TSHZ2: variants seen among roughly 807,000 people sequenced by gnomAD.
The protein encoded by TSHZ2 is teashirt homolog 2.
In TSHZ2, 21 loss-of-function variants were observed where a neutral mutation model predicts 74.4. The observed-to-expected ratio is 0.28, with a 90% CI of 0.20 to 0.41. The LOEUF is 0.41. TSHZ2 is among the 10% of genes least tolerant of loss of function. The pLI is 1.00. For synonymous variants in TSHZ2, 540 were observed against 515.3 expected, an observed-to-expected ratio of 1.05 and a Z score of -0.65; for missense variants, 1,244 against 1,293.5, an observed-to-expected ratio of 0.96 and a Z score of 0.59.
At chr20:53,405,248 C>CAAAAAAAAAAAAAAAAAAAA (rs796097312) in intron 2 of TSHZ2, among the ~76,000 whole-genome samples, 1 of 143,338 alleles carries the variant, frequency 7.0e-6, no homozygotes, top group African/African-American at 2.8e-5. Context: ...GACTCTGTCT[C>CAAAAAAAAAAAAAAAAAAAA]AAAAAAAAAA....
At chr20:53,169,147 T>C (rs6013642) in intron 1 of TSHZ2, among the ~76,000 whole-genome samples, 10,604 of 152,228 alleles carry the variant, frequency 0.07, 1,311 homozygotes, top group African/African-American at 0.24. Flanking sequence ...TATCTAGGAC[T>C]CACTGGTCTC....
rs148238495 is a variant in TSHZ2, at chr20:53,454,050, G to A, written c.*9-33094G>A. 4.2e-4 allele frequency among the ~76,000 whole-genome samples: 64 copies of A among 152,214 alleles called. 1 individual carries two copies. Among genetic ancestry groups the A allele is most frequent in the African/African-American group, 1.1e-3 (47 of 41,552 alleles). ...CACATGCACCAAAATGCTAAATTCTGCTTACAATGTCATCTCTTGTCTTTG... is the reference window on the plus strand; with the variant it reads ...CACATGCACCAAAATGCTAAATTCTACTTACAATGTCATCTCTTGTCTTTG... On this transcript the variant is annotated intron_variant, in intron 2 of 2. Coordinates refer to ENST00000371497, the MANE Select transcript of TSHZ2 (RefSeq NM_173485.6).
Position 53,387,175 on chromosome 20 carries a change from G to A in TSHZ2, c.*9-99969G>A, listed in dbSNP as rs539257289. 7.9e-5 allele frequency among the ~76,000 whole-genome samples: 12 copies of A among 152,162 alleles called. No individual in the cohort carries two copies. The Middle Eastern group carries it at 0.02, about 259-fold the overall frequency. ...CACTAAGATCCCAAAGCCAATTCCC[G>A]GCATACCGAGCTCCACGGGATCTCA... On this transcript the variant is annotated intron_variant, in intron 2 of 2. Coordinates refer to ENST00000371497, the MANE Select transcript of TSHZ2 (RefSeq NM_173485.6).
intron 1 of TSHZ2, among the ~76,000 whole-genome samples, chr20:53,133,341 C>T (rs1178604632): frequency 6.6e-6 from 1 of 152,230 alleles, no homozygotes; most frequent in Non-Finnish European, 1.5e-5. Flanking sequence ...TCCCACAGCT[C>T]AGCAGTACAT....
intron 1 of TSHZ2, among the ~76,000 whole-genome samples, chr20:53,209,157 C>T (rs1357529683): frequency 6.6e-6 from 1 of 152,052 alleles, no homozygotes. Flanking sequence ...TGCAGTGGTG[C>T]CATCACTGCA....
At chr20:53,425,819 A>G (rs1272209107) in intron 2 of TSHZ2, among the ~76,000 whole-genome samples, 1 of 151,232 alleles carries the variant, frequency 6.6e-6, no homozygotes, top group Non-Finnish European at 1.5e-5. Context: ...TTTTCTCACC[A>G]TCTAAAAATA....
At chr20:53,462,193 G>T (rs1483124091) in intron 2 of TSHZ2, among the ~76,000 whole-genome samples, 1 of 152,220 alleles carries the variant, frequency 6.6e-6, no homozygotes, top group Non-Finnish European at 1.5e-5. Context: ...GGCGGAGGTT[G>T]CAGTGAGCCA....
intron 2 of TSHZ2, among the ~76,000 whole-genome samples, chr20:53,468,878 T>C (rs748432567): frequency 6.7e-6 from 1 of 149,930 alleles, no homozygotes; most frequent in Non-Finnish European, 1.5e-5. Context: ...ATGCTATCTA[T>C]ATTTAAATGT....
In TSHZ2 at chr20:53,493,465, C is replaced by T. The variant is rs1459163110; in HGVS notation, c.*6330C>T. The T allele has an allele frequency of 6.6e-6, 1 of 152,082 alleles. No individual in the cohort carries two copies. Among genetic ancestry groups the T allele is most frequent in the Non-Finnish European group, 1.5e-5 (1 of 68,022 alleles). The allele number at this position is 152,082 out of a possible 1,614,324, so 9.4% of individuals were successfully genotyped here. ...TCTCTTTGTATTTTATCTAATAGTG[C>T]CTGAAAATTTTTTTAATGTCTTCTT... On this transcript the variant is annotated 3_prime_UTR_variant, in exon 3 of 3. Transcript: ENST00000371497.
At chr20:53,482,060 C>T (rs1986162971) in intron 2 of TSHZ2, among the ~76,000 whole-genome samples, 2 of 134,104 alleles carry the variant, frequency 1.5e-5, no homozygotes, top group African/African-American at 5.6e-5. Context: ...GTCGAGATAT[C>T]GTGCCATTGC....
intron 1 of TSHZ2, among the ~76,000 whole-genome samples, chr20:53,195,992 C>T (rs1475950824): frequency 6.6e-6 from 1 of 152,062 alleles, no homozygotes; most frequent in Admixed American, 6.6e-5. Context: ...GTGGATGGCT[C>T]GTTGGGAAGG....
intron 1 of TSHZ2, among the ~76,000 whole-genome samples, chr20:53,165,092 G>C (rs1568790674): frequency 6.6e-6 from 1 of 151,714 alleles, no homozygotes; most frequent in African/African-American, 2.4e-5. Context: ...TGGATGGAAG[G>C]GTGGATGGAT....
At position 53,493,195 on chromosome 20, in the gene TSHZ2, A is replaced by G. The variant is rs796470977; in HGVS notation, c.*6060A>G. The G allele has an allele frequency of 2.6e-4, 39 of 152,306 alleles. No homozygotes were observed. Among genetic ancestry groups the G allele is most frequent in the African/African-American group, 8.9e-4 (37 of 41,578 alleles). The allele number at this position is 152,306 out of a possible 1,614,324, so 9.4% of individuals were successfully genotyped here. On this transcript the variant is annotated 3_prime_UTR_variant, in exon 3 of 3. Coordinates refer to ENST00000371497, the MANE Select transcript of TSHZ2 (RefSeq NM_173485.6). ...CTGTTTCCTACCAAACTGGCCCACA[A>G]TGGGGATTCTTTTGTATAGAAAAAA...
chr20:53,401,554 T>A (rs1295516793), intron 2 of TSHZ2, among the ~76,000 whole-genome samples: 59 of 146,504 alleles, frequency 4.0e-4, no homozygotes, highest in East Asian at 2.5e-3. Context: ...TTCCAACCCC[T>A]CCCCCCCGAG....
intron 2 of TSHZ2, among the ~76,000 whole-genome samples, chr20:53,385,936 A>G (rs1302425502): frequency 6.6e-6 from 1 of 152,186 alleles, no homozygotes; most frequent in Non-Finnish European, 1.5e-5. Flanking sequence ...GGACACAAAG[A>G]TGATGTCCCA....
At chr20:53,117,786 A>G (rs6097243) in intron 1 of TSHZ2, among the ~76,000 whole-genome samples, 33,229 of 152,180 alleles carry the variant, frequency 0.22, 7,139 homozygotes, top group African/African-American at 0.54. Flanking sequence ...TCAAGGCACC[A>G]CTTGGGTTCT....
chr20:53,298,377 T>C (rs1055174038), intron 2 of TSHZ2, among the ~76,000 whole-genome samples: 2 of 152,180 alleles, frequency 1.3e-5, no homozygotes, highest in African/African-American at 4.8e-5. Flanking sequence ...GAGAATCAGA[T>C]TGGAGTGTAA....
At chr20:53,107,999 ATGTTT>A (rs1986428081) in intron 1 of TSHZ2, among the ~76,000 whole-genome samples, 1 of 152,218 alleles carries the variant, frequency 6.6e-6, no homozygotes, top group African/African-American at 2.4e-5. Flanking sequence ...TTGTGGAACA[ATGTTT>A]TGTTTTGTTT....
At chr20:53,215,832 C>T (rs1447031283) in intron 1 of TSHZ2, among the ~76,000 whole-genome samples, 6 of 148,986 alleles carry the variant, frequency 4.0e-5, no homozygotes, top group Admixed American at 4.0e-4. Context: ...CGCGCCATTG[C>T]ACTCCAGCCT....
Sources: gnomAD v4.1 joint callset for allele counts (sites outside exome capture counted in the v4.1 genomes callset) on GRCh38, gnomAD v4.1.1 for gene constraint, MANE v1.5 for transcripts, NCBI Gene and HGNC (gene_info 2026-07-23, HGNC 2026-07-21) for gene names.